The following EML4 variants were observed in gnomAD, a reference collection of about 807,000 sequenced individuals.
The protein encoded by EML4 is EMAP like 4.
In EML4, 72 loss-of-function variants were observed where a neutral mutation model predicts 129.0. The observed-to-expected ratio is 0.56, with a 90% CI of 0.46 to 0.68. EML4 has a LOEUF of 0.68. Among genes scored for constraint, EML4 ranks in the 30% least tolerant of loss-of-function variants. The pLI, the probability that EML4 is intolerant of heterozygous loss-of-function variation, is 0.00. For synonymous variants in EML4, 532 were observed against 405.0 expected (o/e 1.31, Z -3.77); for missense variants, 1,363 against 1,190.6 (o/e 1.14, Z -2.13).
chr2:42,178,624 C>T (rs1287017210), intron 1 of EML4, among the ~76,000 whole-genome samples: 2 of 152,090 alleles, frequency 1.3e-5, no homozygotes, highest in Non-Finnish European at 2.9e-5. Context: ...GTGAGAGATC[C>T]CTGGGAGCCA....
chr2:42,318,973 TGAG>T (rs535821877), intron 19 of EML4, among the ~76,000 whole-genome samples: 78 of 152,196 alleles, frequency 5.1e-4, no homozygotes, highest in African/African-American at 1.8e-3. Flanking sequence ...CCCGAAGTGA[TGAG>T]ATTAGGCATG....
At chr2:42,186,051 A>C (rs1337373447) in intron 1 of EML4, among the ~76,000 whole-genome samples, 4 of 152,148 alleles carry the variant, frequency 2.6e-5, no homozygotes, top group Non-Finnish European at 4.4e-5. Flanking sequence ...GGCCCCAAAA[A>C]ACTGTAAGTG....
intron 1 of EML4, among the ~76,000 whole-genome samples, chr2:42,210,312 A>T (rs1183057714): frequency 6.6e-6 from 1 of 152,088 alleles, no homozygotes. Flanking sequence ...TATCAGATAT[A>T]TTGTAGAATG....
chr2:42,306,746 G>A (rs544890775), intron 17 of EML4, among the ~76,000 whole-genome samples: 1 of 150,812 alleles, frequency 6.6e-6, no homozygotes, highest in East Asian at 1.9e-4. Flanking sequence ...TGATCCTCCC[G>A]CCTCGGCCTC....
intron 6 of EML4, among the ~76,000 whole-genome samples, chr2:42,266,554 G>C (rs1365428483): frequency 1.3e-5 from 2 of 151,846 alleles, no homozygotes; most frequent in Non-Finnish European, 2.9e-5. Context: ...TTGTTGCCTA[G>C]GTTGGTCTCA....
intron 6 of EML4, among the ~76,000 whole-genome samples, chr2:42,273,132 A>G (rs1417325342): frequency 2.6e-5 from 4 of 152,304 alleles, no homozygotes; most frequent in Non-Finnish European, 5.9e-5. Context: ...TGGTATATTC[A>G]TATAAAATGA....
intron 1 of EML4, among the ~76,000 whole-genome samples, chr2:42,232,890 A>G (rs922228221): frequency 1.3e-5 from 2 of 151,938 alleles, no homozygotes; most frequent in African/African-American, 4.8e-5. Flanking sequence ...ACGCGCGGCT[A>G]ATTTTTTTTA....
chr2:42,256,565 A>G lies in EML4; in HGVS notation c.273A>G (p.Arg91=), dbSNP rs1357511647. 1 of 1,614,056 alleles carries G rather than the reference A, an allele frequency of 6.2e-7. No homozygotes were observed. Among genetic ancestry groups the G allele is most frequent in the African/African-American group, 1.3e-5 (1 of 75,072 alleles). The change falls in exon 3 of 23, where the codon AGA becomes AGG. Residue 91 remains arginine (R), a synonymous_variant. Coordinates refer to ENST00000318522, the MANE Select transcript of EML4 (RefSeq NM_019063.5). ...TAACCAATGGAAGTGGTGCAAACAG[A>G]AAACCAAGTCATACCAGTGCTGTCT... ...SCITNGSGAN[R]KPSHTSAVSI...
intron 17 of EML4, among the ~76,000 whole-genome samples, chr2:42,314,139 A>G (rs886669939): frequency 6.6e-6 from 1 of 152,128 alleles, no homozygotes; most frequent in African/African-American, 2.4e-5. Context: ...CGGGCAGATC[A>G]CCTGAGGTCA....
chr2:42,244,670 G>C lies in EML4; in HGVS notation c.26-835G>C, dbSNP rs74913696. Among the ~76,000 whole-genome samples the C allele has an allele frequency of 8.0e-4, 122 of 152,238 alleles. 4 individuals are homozygous for C. The East Asian group carries it at 0.021, about 27-fold the overall frequency. On this transcript the variant is annotated intron_variant, in intron 1 of 22. Transcript: ENST00000318522. ...ATTACATAGCAATACCGAGTTCTGT[G>C]GGGTGTGGGAGAGTATGATAGTAAA... is the stretch of plus-strand genomic sequence containing the variant.
intron 1 of EML4, among the ~76,000 whole-genome samples, chr2:42,216,184 C>G (rs899619201): frequency 1.4e-5 from 2 of 147,620 alleles, no homozygotes; most frequent in Admixed American, 6.8e-5. Context: ...CGTCCCAAAC[C>G]AAAGTGCTGG....
At chr2:42,200,732 T>A (rs887696810) in intron 1 of EML4, among the ~76,000 whole-genome samples, 1 of 152,216 alleles carries the variant, frequency 6.6e-6, no homozygotes, top group Non-Finnish European at 1.5e-5. Context: ...ATGTTTTATA[T>A]CTTTTTTGGC....
intron 21 of EML4, among the ~76,000 whole-genome samples, chr2:42,327,589 T>C (rs1669875739): frequency 6.6e-6 from 1 of 152,226 alleles, no homozygotes; most frequent in Non-Finnish European, 1.5e-5. Flanking sequence ...TATATAAAGA[T>C]AACTATGTGG....
chr2:42,302,630 T>C (rs1668352664), intron 14 of EML4, among the ~76,000 whole-genome samples: 2 of 151,852 alleles, frequency 1.3e-5, no homozygotes, highest in Admixed American at 1.3e-4. Flanking sequence ...GCCTCCCGGA[T>C]TCAAGCAATT....
At chr2:42,172,096 T>C (rs926522360) in intron 1 of EML4, among the ~76,000 whole-genome samples, 3 of 152,134 alleles carry the variant, frequency 2.0e-5, no homozygotes, top group Admixed American at 2.0e-4. Flanking sequence ...AAACGTGAAG[T>C]TCTTCTGGGG....
intron 17 of EML4, among the ~76,000 whole-genome samples, chr2:42,312,671 A>G (rs1458173121): frequency 2.6e-5 from 4 of 151,656 alleles, no homozygotes; most frequent in African/African-American, 7.3e-5. Context: ...CTTCTGCCTC[A>G]GCCTCCCAAG....
intron 1 of EML4, among the ~76,000 whole-genome samples, chr2:42,202,994 C>T (rs886875374): frequency 1.3e-5 from 2 of 152,142 alleles, no homozygotes; most frequent in African/African-American, 4.8e-5. Context: ...TACCAGTGTA[C>T]TCCAGCCTGG....
chr2:42,200,207 C>T (rs941726653), intron 1 of EML4, among the ~76,000 whole-genome samples: 3 of 150,994 alleles, frequency 2.0e-5, no homozygotes, highest in Non-Finnish European at 4.4e-5. Context: ...CACCTGTAGT[C>T]CCAGCTACTC....
At chr2:42,223,666 T>C (rs1673766049) in intron 1 of EML4, among the ~76,000 whole-genome samples, 3 of 152,150 alleles carry the variant, frequency 2.0e-5, no homozygotes, top group South Asian at 4.1e-4. Flanking sequence ...AGATCTCTAA[T>C]GTATATTGAA....
Sources: gnomAD v4.1 joint callset for allele counts (sites outside exome capture counted in the v4.1 genomes callset) on GRCh38, gnomAD v4.1.1 for gene constraint, MANE v1.5 for transcripts, NCBI Gene and HGNC (gene_info 2026-07-23, HGNC 2026-07-21) for gene names.